The following GRIP1 variants were observed in gnomAD, a reference collection of about 807,000 sequenced individuals.
GRIP1 encodes glutamate receptor interacting protein 1.
A neutral mutation model predicts 129.9 loss-of-function variants in GRIP1; 45 were observed. That is an observed-to-expected ratio of 0.35 (90% CI 0.27 to 0.44). The LOEUF (loss-of-function observed/expected upper bound fraction) is 0.44. GRIP1 is among the 20% of genes least tolerant of loss of function. The pLI, the probability that GRIP1 is intolerant of heterozygous loss-of-function variation, is 1.00. For synonymous variants in GRIP1, 530 were observed against 520.8 expected (o/e 1.02, Z -0.24); for missense variants, 1,196 against 1,396.8 (o/e 0.86, Z 2.29).
At chr12:67,064,862 A>C (rs2043595237) in intron 1 of GRIP1, among the ~76,000 whole-genome samples, 1 of 149,976 alleles carries the variant, frequency 6.7e-6, no homozygotes, top group Non-Finnish European at 1.5e-5. Flanking sequence ...CTAACTCGTC[A>C]TCTAGCATTA....
chr12:66,945,960 A>G (rs1159809252), intron 1 of GRIP1, among the ~76,000 whole-genome samples: 1 of 152,132 alleles, frequency 6.6e-6, no homozygotes, highest in Non-Finnish European at 1.5e-5. Context: ...TTTTTCATGA[A>G]CCTCAGCAAA....
At chr12:66,594,216 A>T (rs959453919) in intron 2 of GRIP1, among the ~76,000 whole-genome samples, 2 of 151,888 alleles carry the variant, frequency 1.3e-5, no homozygotes, top group Admixed American at 6.6e-5. Flanking sequence ...CATTAGCCAA[A>T]CTCTCCTTTA....
At chr12:66,797,201 T>A (rs908296680) in intron 1 of GRIP1, among the ~76,000 whole-genome samples, 2 of 152,136 alleles carry the variant, frequency 1.3e-5, no homozygotes, top group African/African-American at 4.8e-5. Flanking sequence ...TGGTGAGAGG[T>A]ACATGGGGAA....
chr12:66,809,938 G>A (rs986501548), intron 1 of GRIP1, among the ~76,000 whole-genome samples: 2 of 152,074 alleles, frequency 1.3e-5, no homozygotes, highest in Non-Finnish European at 2.9e-5. Flanking sequence ...TTACAGGCAT[G>A]AGCCACCACA....
At chr12:67,043,270 A>G (rs984812372) in intron 1 of GRIP1, among the ~76,000 whole-genome samples, 2 of 152,178 alleles carry the variant, frequency 1.3e-5, no homozygotes, top group Non-Finnish European at 2.9e-5. Flanking sequence ...TCTCTTCTGG[A>G]GCCTGCTGAT....
At chr12:66,737,808 A>G (rs535070546) in intron 1 of GRIP1, among the ~76,000 whole-genome samples, 2 of 152,280 alleles carry the variant, frequency 1.3e-5, no homozygotes, top group East Asian at 1.9e-4. Flanking sequence ...CATCCAGGAT[A>G]CCACAAGGAA....
At chr12:66,579,197 G>C (rs1393766302) in intron 2 of GRIP1, among the ~76,000 whole-genome samples, 2 of 152,184 alleles carry the variant, frequency 1.3e-5, no homozygotes, top group Non-Finnish European at 2.9e-5. Context: ...GCAGCTGAGG[G>C]TCCTGTCTGT....
chr12:66,859,542 G>A (rs1006587057), intron 1 of GRIP1, among the ~76,000 whole-genome samples: 12 of 152,092 alleles, frequency 7.9e-5, no homozygotes, highest in Admixed American at 6.6e-4. Flanking sequence ...TTCTCAGACT[G>A]AGCAACAATC....
chr12:66,694,677 G>A (rs2035093642), intron 1 of GRIP1, among the ~76,000 whole-genome samples: 1 of 152,172 alleles, frequency 6.6e-6, no homozygotes, highest in Non-Finnish European at 1.5e-5. Flanking sequence ...TATTGCTGGT[G>A]ATATTAACTT....
chr12:66,932,203 A>C (rs1760854506), intron 1 of GRIP1, among the ~76,000 whole-genome samples: 1 of 152,196 alleles, frequency 6.6e-6, no homozygotes, highest in African/African-American at 2.4e-5. Context: ...CCAAGAATTA[A>C]GTGTATCATG....
At chr12:66,423,379 T>G (rs1203482539) in intron 14 of GRIP1, among the ~76,000 whole-genome samples, 1 of 152,216 alleles carries the variant, frequency 6.6e-6, no homozygotes, top group Admixed American at 6.5e-5. Context: ...GCTATTATTG[T>G]TTAACAACAG....
chr12:66,848,248 C>G (rs903364696), intron 1 of GRIP1, among the ~76,000 whole-genome samples: 5 of 151,962 alleles, frequency 3.3e-5, no homozygotes, highest in Non-Finnish European at 7.4e-5. Flanking sequence ...GGCTCTTTCC[C>G]TGTCTCCCTC....
At chr12:66,474,549 A>G (rs977552799) in intron 7 of GRIP1, among the ~76,000 whole-genome samples, 2 of 152,194 alleles carry the variant, frequency 1.3e-5, no homozygotes, top group Non-Finnish European at 2.9e-5. Context: ...AGTTGAAATG[A>G]AGGAAAAAAT....
chr12:66,533,814 G>A (rs1445137263), intron 4 of GRIP1, among the ~76,000 whole-genome samples: 1 of 150,780 alleles, frequency 6.6e-6, no homozygotes, highest in Admixed American at 6.6e-5. Flanking sequence ...AAGGGCCAAG[G>A]TCAAACCAGT....
chr12:66,550,664 G>T (rs1436973448), intron 2 of GRIP1, among the ~76,000 whole-genome samples: 1 of 152,170 alleles, frequency 6.6e-6, no homozygotes, highest in African/African-American at 2.4e-5. Context: ...AACAATTTAC[G>T]CTGGAGTGAC....
intron 1 of GRIP1, among the ~76,000 whole-genome samples, chr12:66,848,304 G>T (rs1312726719): frequency 6.6e-6 from 1 of 151,068 alleles, no homozygotes; most frequent in African/African-American, 2.4e-5. Context: ...TAACATTAAT[G>T]CATTAAAGTG....
intron 2 of GRIP1, among the ~76,000 whole-genome samples, chr12:66,546,899 A>C (rs1324509589): frequency 6.6e-6 from 1 of 152,198 alleles, no homozygotes; most frequent in African/African-American, 2.4e-5. Context: ...AGGAAAAAAA[A>C]ATCAGCAAAT....
At chr12:66,996,097 C>T (rs2042462958) in intron 1 of GRIP1, among the ~76,000 whole-genome samples, 1 of 151,682 alleles carries the variant, frequency 6.6e-6, no homozygotes, top group South Asian at 2.1e-4. Flanking sequence ...GCATATCTAC[C>T]GAGACAGAAA....
At chr12:66,526,058 C>G (rs2061224344) in intron 5 of GRIP1, among the ~76,000 whole-genome samples, 1 of 152,160 alleles carries the variant, frequency 6.6e-6, no homozygotes, top group South Asian at 2.1e-4. Flanking sequence ...AAGAACATTC[C>G]ATACTCATCG....
Sources: gnomAD v4.1 joint callset for allele counts (sites outside exome capture counted in the v4.1 genomes callset) on GRCh38, gnomAD v4.1.1 for gene constraint, MANE v1.5 for transcripts, NCBI Gene and HGNC (gene_info 2026-07-23, HGNC 2026-07-21) for gene names.